The following MIPOL1 variants were observed in gnomAD, a reference collection of about 807,000 sequenced individuals.
MIPOL1 encodes the protein mirror-image polydactyly 1.
A neutral mutation model predicts 60.9 loss-of-function variants in MIPOL1; 57 were observed. The observed-to-expected ratio is 0.94, with a 90% CI of 0.76 to 1.17. The LOEUF (loss-of-function observed/expected upper bound fraction) is 1.17, where lower values mean the gene tolerates loss of function less well. MIPOL1 is among the 50% of genes most tolerant of loss of function. MIPOL1 has a pLI of 0.00. For synonymous variants in MIPOL1, 179 were observed against 168.8 expected, an observed-to-expected ratio of 1.06 and a Z score of -0.47; for missense variants, 551 against 511.6, an observed-to-expected ratio of 1.08 and a Z score of -0.74.
At chr14:37,451,130 A>G (rs967910412) in intron 11 of MIPOL1, among the ~76,000 whole-genome samples, 3 of 152,208 alleles carry the variant, frequency 2.0e-5, no homozygotes, top group Non-Finnish European at 4.4e-5. Context: ...TATCACATTT[A>G]TTCATCAAGA....
At chr14:37,470,726 A>G (rs796505130) in intron 11 of MIPOL1, among the ~76,000 whole-genome samples, 1 of 152,248 alleles carries the variant, frequency 6.6e-6, no homozygotes, top group African/African-American at 2.4e-5. Flanking sequence ...GAGAGTAGGT[A>G]GAATGAGAAG....
intron 12 of MIPOL1, among the ~76,000 whole-genome samples, chr14:37,538,384 T>A (rs1377792557): frequency 6.6e-6 from 1 of 152,212 alleles, no homozygotes; most frequent in East Asian, 1.9e-4. Context: ...CTATACTTTA[T>A]CTTTGGTTCT....
chr14:37,332,128 A>G (rs2089743538), intron 9 of MIPOL1, among the ~76,000 whole-genome samples: 1 of 150,294 alleles, frequency 6.7e-6, no homozygotes, highest in South Asian at 2.1e-4. Flanking sequence ...ACAGAGCGAG[A>G]CTCCTCTCAA....
chr14:37,252,180 T>A (rs1031449857), intron 3 of MIPOL1, among the ~76,000 whole-genome samples: 6 of 151,760 alleles, frequency 4.0e-5, no homozygotes, highest in Non-Finnish European at 5.9e-5. Flanking sequence ...ATGTAATATA[T>A]ATTTTACACA....
At chr14:37,345,064 A>G (rs1033474194) in intron 9 of MIPOL1, among the ~76,000 whole-genome samples, 1 of 151,908 alleles carries the variant, frequency 6.6e-6, no homozygotes, top group East Asian at 1.9e-4. Flanking sequence ...TTGGTTTACC[A>G]ATATCCTCCA....
chr14:37,263,681 C>T (rs2082668115), intron 3 of MIPOL1, among the ~76,000 whole-genome samples: 1 of 152,292 alleles, frequency 6.6e-6, no homozygotes, highest in African/African-American at 2.4e-5. Context: ...AAGAGATTGA[C>T]AGTTTATTCT....
At chr14:37,199,493 A>G (rs1964869377) in intron 1 of MIPOL1, among the ~76,000 whole-genome samples, 1 of 152,116 alleles carries the variant, frequency 6.6e-6, no homozygotes, top group South Asian at 2.1e-4. Flanking sequence ...AAAGATTTTT[A>G]GAAATATTTT....
chr14:37,294,680 A>G (rs2085449761), intron 7 of MIPOL1, among the ~76,000 whole-genome samples: 2 of 152,238 alleles, frequency 1.3e-5, no homozygotes, highest in African/African-American at 4.8e-5. Flanking sequence ...TCAGTAACCG[A>G]TGCGATCAAC....
At chr14:37,218,257 T>G (rs1594525308) in intron 1 of MIPOL1, among the ~76,000 whole-genome samples, 1 of 152,316 alleles carries the variant, frequency 6.6e-6, no homozygotes, top group African/African-American at 2.4e-5. Flanking sequence ...CTCAGCTCAC[T>G]TCAGCCTCCA....
intron 11 of MIPOL1, among the ~76,000 whole-genome samples, chr14:37,479,359 G>A (rs1245460144): frequency 6.6e-6 from 1 of 151,970 alleles, no homozygotes; most frequent in Admixed American, 6.6e-5. Flanking sequence ...TTTTGACCAC[G>A]TTAGTATGAA....
At chr14:37,300,024 C>A (rs2086231051) in intron 7 of MIPOL1, among the ~76,000 whole-genome samples, 1 of 151,936 alleles carries the variant, frequency 6.6e-6, no homozygotes, top group African/African-American at 2.4e-5. Flanking sequence ...AGGATGAAGA[C>A]TGTAGAAGTG....
intron 12 of MIPOL1, among the ~76,000 whole-genome samples, chr14:37,530,792 T>A (rs917946590): frequency 6.6e-6 from 1 of 151,762 alleles, no homozygotes; most frequent in African/African-American, 2.4e-5. Context: ...AGTCCAGATA[T>A]AAGCAGCTGG....
intron 11 of MIPOL1, among the ~76,000 whole-genome samples, chr14:37,445,886 C>T (rs2094325880): frequency 6.6e-6 from 1 of 152,160 alleles, no homozygotes; most frequent in Admixed American, 6.5e-5. Flanking sequence ...AAAGCTGAAA[C>T]TGGATCCCTT....
intron 7 of MIPOL1, among the ~76,000 whole-genome samples, chr14:37,303,689 TTTTC>T (rs1471768440): frequency 2.6e-5 from 4 of 151,866 alleles, no homozygotes; most frequent in African/African-American, 9.7e-5. Context: ...ATTCTCAGGC[TTTTC>T]TTTTTAATTC....
Position 37,264,116 on chromosome 14 carries a change from A to G in MIPOL1, c.20-2822A>G, listed in dbSNP as rs114114705. On this transcript the variant is annotated intron_variant, in intron 3 of 12. Transcript: ENST00000684589. ...TAAAGATCCTTCTCCTGGGCTGGAG[A>G]GTTTAGGGAAAATAACTGAAGTCTG... 5.4e-3 allele frequency among the ~76,000 whole-genome samples: 817 copies of G among 152,138 alleles called. 11 individuals carry two copies. Among genetic ancestry groups the G allele is most frequent in the African/African-American group, 0.018 (764 of 41,512 alleles).
chr14:37,514,841 T>C (rs2095357108), intron 12 of MIPOL1, among the ~76,000 whole-genome samples: 1 of 152,058 alleles, frequency 6.6e-6, no homozygotes, highest in Non-Finnish European at 1.5e-5. Context: ...GGTATACTCA[T>C]CTAAAATCTT....
At chr14:37,534,970 A>C (rs1350090239) in intron 12 of MIPOL1, among the ~76,000 whole-genome samples, 3 of 152,182 alleles carry the variant, frequency 2.0e-5, no homozygotes, top group African/African-American at 4.8e-5. Context: ...AATTATACCA[A>C]AGGTAGTATT....
At chr14:37,270,640 C>CAT in intron 6 of MIPOL1, 115 bp downstream of exon 6, 2 of 258,990 alleles carry the variant, frequency 7.7e-6, no homozygotes, top group Non-Finnish European at 1.2e-5. Context: ...GGGAAGCTCT[C>CAT]CTTTTTTTTT....
intron 11 of MIPOL1, among the ~76,000 whole-genome samples, chr14:37,462,903 T>C (rs1245191634): frequency 6.6e-6 from 1 of 152,204 alleles, no homozygotes; most frequent in Non-Finnish European, 1.5e-5. Context: ...CATATTTTCC[T>C]GTCTTCTTCT....
Sources: allele counts gnomAD v4.1 joint callset (sites outside exome capture counted in the v4.1 genomes callset), GRCh38; gene constraint gnomAD v4.1.1; transcripts MANE v1.5; gene names NCBI Gene and HGNC (gene_info 2026-07-23, HGNC 2026-07-21).